HIPK2: variants seen among roughly 807,000 people sequenced by gnomAD.
HIPK2 encodes homeodomain-interacting protein kinase 2.
A neutral mutation model predicts 113.7 loss-of-function variants in HIPK2; 27 were observed. That is an observed-to-expected ratio of 0.24 (90% confidence interval 0.17 to 0.33). The LOEUF (loss-of-function observed/expected upper bound fraction) is 0.33, where lower values mean the gene tolerates loss of function less well. Among genes scored for constraint, HIPK2 ranks in the 10% least tolerant of loss-of-function variants. The pLI, the probability that HIPK2 is intolerant of heterozygous loss-of-function variation, is 1.00. For missense variants in HIPK2, 1,257 were observed against 1,588.0 expected, an observed-to-expected ratio of 0.79 and a Z score of 3.54; for synonymous variants, 631 against 642.2, an observed-to-expected ratio of 0.98 and a Z score of 0.26.
rs572117194 is a variant in HIPK2 at position 139,659,356 on chromosome 7, A to G, written c.1104-27631T>C. 3.9e-5 allele frequency among the ~76,000 whole-genome samples: 6 copies of G among 152,366 alleles called. No homozygotes were observed. In the South Asian group the frequency reaches 1.2e-3, roughly 32 times the overall value. ...CTGAAGATTCAACAGGCATAATTTA[A>G]TAACATCCGATTCTTTCTGCACCCT... On this transcript the variant is annotated intron_variant, in intron 2 of 14. Coordinates refer to ENST00000406875, the MANE Select transcript of HIPK2 (RefSeq NM_022740.5).
intron 1 of HIPK2, among the ~76,000 whole-genome samples, chr7:139,743,486 A>G (rs1429709103): frequency 6.6e-6 from 1 of 152,244 alleles, no homozygotes; most frequent in African/African-American, 2.4e-5. Context: ...GTCCTTAGAC[A>G]TATCTCTTTG....
At chr7:139,627,502 C>T (rs1160255229) in intron 5 of HIPK2, among the ~76,000 whole-genome samples, 1 of 152,154 alleles carries the variant, frequency 6.6e-6, no homozygotes, top group Non-Finnish European at 1.5e-5. Flanking sequence ...TATCTGAACA[C>T]AGGATTTTTC....
chr7:139,634,674 G>GTTTTTTTTGTT (rs1407377097), intron 2 of HIPK2, among the ~76,000 whole-genome samples: 4 of 113,664 alleles, frequency 3.5e-5, no homozygotes, highest in African/African-American at 1.6e-4. Context: ...TCTGTTTCAG[G>GTTTTTTTTGTT]TTTTTTTTTT....
intron 2 of HIPK2, among the ~76,000 whole-genome samples, chr7:139,710,180 C>A (rs1412346398): frequency 6.6e-6 from 1 of 152,176 alleles, no homozygotes; most frequent in African/African-American, 2.4e-5. Context: ...TTGGCTCAAC[C>A]CAAGCCCCTC....
intron 2 of HIPK2, among the ~76,000 whole-genome samples, chr7:139,689,424 C>G (rs915003601): frequency 2.6e-5 from 4 of 152,188 alleles, no homozygotes; most frequent in Admixed American, 6.5e-5. Flanking sequence ...AAAGAATTGG[C>G]TTGCTATCCA....
chr7:139,631,402 T>C lies in HIPK2; in HGVS notation c.1228-118A>G. 1.4e-6 allele frequency: 2 copies of C among 1,441,300 alleles called. No individual in the cohort carries two copies. The highest frequency in any genetic ancestry group is 1.8e-6 in the Non-Finnish European group (2 of 1,086,856). 89.3% of individuals were successfully genotyped at this position (1,441,300 alleles called of 1,614,324 possible). A position where few individuals can be genotyped will look rare whatever the true frequency, so the allele number is the denominator to read the frequency against. On this transcript the variant is annotated intron_variant, in intron 3 of 14. Coordinates refer to ENST00000406875, the MANE Select transcript of HIPK2 (RefSeq NM_022740.5). The surrounding 1 kb of genome is among the most constrained non-coding windows in gnomAD (Gnocchi z 4.9). The stretch of plus-strand genomic sequence containing the variant: ...TGACAATTTTTGTAGGGAAAGAAGT[T>C]AACAAAAAAGAGAAAAAAGAAAAAG...
At chr7:139,742,867 A>G (rs575730655) in intron 1 of HIPK2, among the ~76,000 whole-genome samples, 2 of 152,330 alleles carry the variant, frequency 1.3e-5, no homozygotes, top group African/African-American at 4.8e-5. Context: ...TTCCAAAACA[A>G]ATTTCCCGGG....
rs1447993055 is a variant in HIPK2 at position 139,775,196 on chromosome 7, G to A, written c.19+2409C>T. Among the ~76,000 whole-genome samples the A allele has an allele frequency of 3.3e-5, 5 of 152,332 alleles. No homozygotes were observed. The South Asian group carries it at 8.3e-4, about 25-fold the overall frequency. ...TATAGAAATCTACAGGAAAAGCTCT[G>A]CTCGTTTAGCATGCACACAGGGAGT... is the stretch of plus-strand genomic sequence containing the variant. On this transcript the variant is annotated intron_variant, in intron 1 of 14. Coordinates refer to ENST00000406875, the MANE Select transcript of HIPK2 (RefSeq NM_022740.5).
intron 6 of HIPK2, among the ~76,000 whole-genome samples, chr7:139,621,712 G>A (rs1800238942): frequency 6.6e-6 from 1 of 152,090 alleles, no homozygotes; most frequent in African/African-American, 2.4e-5. Context: ...TGGAGTCCAA[G>A]AGCTCAAGAC....
At chr7:139,711,452 G>GAA (rs1293048755) in intron 2 of HIPK2, among the ~76,000 whole-genome samples, 3 of 152,046 alleles carry the variant, frequency 2.0e-5, no homozygotes, top group Non-Finnish European at 4.4e-5. Context: ...AGATTATTCT[G>GAA]AAAAAGTGGA....
chr7:139,743,420 A>G (rs978929379), intron 1 of HIPK2, among the ~76,000 whole-genome samples: 2 of 152,270 alleles, frequency 1.3e-5, no homozygotes, highest in African/African-American at 4.8e-5. Context: ...CAACTGCCAG[A>G]TCACTCTTGG....
intron 1 of HIPK2, among the ~76,000 whole-genome samples, chr7:139,758,062 T>G (rs1381951491): frequency 6.6e-6 from 1 of 152,192 alleles, no homozygotes; most frequent in Non-Finnish European, 1.5e-5. Flanking sequence ...CTTGTAAAGA[T>G]GTTAATTCCT....
In HIPK2 at chr7:139,758,527, T is replaced by C. The variant is rs566759554; in HGVS notation, c.19+19078A>G. On this transcript the variant is annotated intron_variant, in intron 1 of 14. Coordinates refer to ENST00000406875, the MANE Select transcript of HIPK2 (RefSeq NM_022740.5). ...CAGACTAGTACCAGTTCTGGCCTGT[T>C]AGGAACCAGGCCACACAGCAGGAGG... Among the ~76,000 whole-genome samples the C allele has an allele frequency of 5.9e-5, 9 of 152,174 alleles. No individual in the cohort carries two copies. In the East Asian group the frequency reaches 1.5e-3, roughly 26 times the overall value.
intron 1 of HIPK2, among the ~76,000 whole-genome samples, chr7:139,765,132 T>C (rs1796532209): frequency 7.1e-6 from 1 of 141,410 alleles, no homozygotes. Flanking sequence ...CGAGACTCTG[T>C]CTCAAAAAAA....
intron 2 of HIPK2, among the ~76,000 whole-genome samples, chr7:139,664,335 C>T (rs1391688690): frequency 2.0e-5 from 3 of 152,030 alleles, no homozygotes; most frequent in Non-Finnish European, 2.9e-5. Context: ...GTCAGGAGTT[C>T]GAGACCAGCC....
intron 2 of HIPK2, among the ~76,000 whole-genome samples, chr7:139,696,180 TA>T (rs2116818226): frequency 6.6e-6 from 1 of 152,210 alleles, no homozygotes; most frequent in Non-Finnish European, 1.5e-5. Flanking sequence ...TGCAACTACG[TA>T]AATACACAGT....
chr7:139,689,592 T>C (rs1794337695), intron 2 of HIPK2, among the ~76,000 whole-genome samples: 1 of 152,190 alleles, frequency 6.6e-6, no homozygotes, highest in African/African-American at 2.4e-5. Context: ...CTGGGTCTGC[T>C]ATGGGGGAGG....
At chr7:139,651,224 C>A (rs187030975) in intron 2 of HIPK2, among the ~76,000 whole-genome samples, 280 of 152,198 alleles carry the variant, frequency 1.8e-3, no homozygotes, top group Admixed American at 3.8e-3. Flanking sequence ...GTAGGAGGCA[C>A]AAGGAAAACA....
At chr7:139,649,777 CAG>C (rs1195212637) in intron 2 of HIPK2, among the ~76,000 whole-genome samples, 2 of 152,118 alleles carry the variant, frequency 1.3e-5, no homozygotes, top group African/African-American at 4.8e-5. Flanking sequence ...ACTCTTTGTT[CAG>C]AGTGATTTTC....
Sources: gnomAD v4.1 joint callset for allele counts (sites outside exome capture counted in the v4.1 genomes callset) on GRCh38, gnomAD v4.1.1 for gene constraint, Gnocchi (gnomAD v3.1) non-coding constraint, MANE v1.5 for transcripts, NCBI Gene and HGNC (gene_info 2026-07-23, HGNC 2026-07-21) for gene names.